Variants in NELL1 observed in about 807,000 individuals in gnomAD.
NELL1 encodes the protein protein kinase C-binding protein NELL1.
In NELL1, 76 loss-of-function variants were observed where a neutral mutation model predicts 107.4. The ratio of observed to expected loss-of-function variants is 0.71; its 90% CI spans 0.59 to 0.86. NELL1 has a LOEUF of 0.86. Among genes scored for constraint, NELL1 ranks in the 40% least tolerant of loss-of-function variants. The probability of loss-of-function intolerance (pLI) is 0.00; values close to 1 mark genes in which losing one functional copy is unlikely to be tolerated. For synonymous variants in NELL1, 353 were observed against 341.2 expected (o/e 1.03, Z -0.38); for missense variants, 1,024 against 1,005.5 (o/e 1.02, Z -0.25).
chr11:21,497,921 C>A (rs1855025631), intron 15 of NELL1, among the ~76,000 whole-genome samples: 1 of 151,856 alleles, frequency 6.6e-6, no homozygotes, highest in Non-Finnish European at 1.5e-5. Context: ...TACCCTGTGT[C>A]TTTTTTCCTA....
chr11:21,042,474 G>A (rs1034063391), intron 12 of NELL1, among the ~76,000 whole-genome samples: 1 of 152,176 alleles, frequency 6.6e-6, no homozygotes, highest in Non-Finnish European at 1.5e-5. Flanking sequence ...GTATTACGGA[G>A]CACAGTATTG....
At chr11:20,717,489 T>C (rs1855279951) in intron 2 of NELL1, among the ~76,000 whole-genome samples, 1 of 152,096 alleles carries the variant, frequency 6.6e-6, no homozygotes, top group Non-Finnish European at 1.5e-5. Context: ...AAAGTTTCTG[T>C]TCCTTATAAA....
intron 6 of NELL1, 109 bp downstream of exon 6, chr11:20,918,363 G>A (rs908760807): frequency 1.5e-6 from 1 of 679,366 alleles, no homozygotes; most frequent in East Asian, 2.6e-5. Context: ...GACTTCTGAG[G>A]TGCTGGAGAT....
intron 13 of NELL1, among the ~76,000 whole-genome samples, chr11:21,166,599 C>T (rs979693469): frequency 1.3e-5 from 2 of 151,476 alleles, no homozygotes; most frequent in Non-Finnish European, 2.9e-5. Flanking sequence ...AATGTACCCA[C>T]AAAAATAAAA....
intron 5 of NELL1, among the ~76,000 whole-genome samples, chr11:20,902,680 T>G (rs1288059762): frequency 6.6e-6 from 1 of 152,080 alleles, no homozygotes; most frequent in Non-Finnish European, 1.5e-5. Flanking sequence ...ACAGGACTTT[T>G]TTTTTTGTTT....
intron 15 of NELL1, among the ~76,000 whole-genome samples, chr11:21,441,778 T>C (rs1037783417): frequency 1.5e-4 from 23 of 152,208 alleles, no homozygotes; most frequent in Admixed American, 3.9e-4. Flanking sequence ...ATCTTCACTA[T>C]GGTGTTATAT....
At chr11:20,775,665 G>C (rs1305020619) in intron 2 of NELL1, among the ~76,000 whole-genome samples, 1 of 152,158 alleles carries the variant, frequency 6.6e-6, no homozygotes, top group Non-Finnish European at 1.5e-5. Flanking sequence ...CTAAAGAGGA[G>C]TGGCTACACA....
At chr11:20,752,867 C>T (rs1330817326) in intron 2 of NELL1, among the ~76,000 whole-genome samples, 1 of 151,994 alleles carries the variant, frequency 6.6e-6, no homozygotes, top group Non-Finnish European at 1.5e-5. Flanking sequence ...CAGAAATTAC[C>T]ATAATTTTAA....
At chr11:21,088,308 G>A (rs1854446079) in intron 12 of NELL1, among the ~76,000 whole-genome samples, 1 of 152,092 alleles carries the variant, frequency 6.6e-6, no homozygotes, top group African/African-American at 2.4e-5. Context: ...TGTATTGCTG[G>A]ATCTGTGTTT....
chr11:20,968,728 G>T (rs184066093), intron 12 of NELL1, among the ~76,000 whole-genome samples: 1 of 152,238 alleles, frequency 6.6e-6, no homozygotes, highest in African/African-American at 2.4e-5. Context: ...AGCTTAACAC[G>T]TGGCTCCCCT....
At chr11:21,089,641 G>C (rs1702315374) in intron 12 of NELL1, among the ~76,000 whole-genome samples, 1 of 152,204 alleles carries the variant, frequency 6.6e-6, no homozygotes, top group African/African-American at 2.4e-5. Context: ...GTTTCTGCAA[G>C]CTGCAAAGAT....
chr11:21,164,120 C>T (rs776502491), intron 13 of NELL1, among the ~76,000 whole-genome samples: 3 of 152,134 alleles, frequency 2.0e-5, no homozygotes, highest in Non-Finnish European at 2.9e-5. Context: ...GTCTAGCCTC[C>T]AGAACTGTGG....
chr11:21,103,501 A>G (rs1697953406), intron 12 of NELL1, among the ~76,000 whole-genome samples: 1 of 152,166 alleles, frequency 6.6e-6, no homozygotes, highest in Non-Finnish European at 1.5e-5. Flanking sequence ...AAATGTTAAT[A>G]ATACCTACCT....
chr11:21,215,400 A>G (rs948052294), intron 13 of NELL1, among the ~76,000 whole-genome samples: 1 of 152,200 alleles, frequency 6.6e-6, no homozygotes, highest in Non-Finnish European at 1.5e-5. Flanking sequence ...GACTGAACTA[A>G]TCCAGTAAAT....
chr11:21,461,537 C>T (rs1049505827), intron 15 of NELL1, among the ~76,000 whole-genome samples: 3 of 152,022 alleles, frequency 2.0e-5, no homozygotes, highest in Admixed American at 1.3e-4. Flanking sequence ...CATTGTTGGT[C>T]GGTCAGAATT....
intron 11 of NELL1, among the ~76,000 whole-genome samples, chr11:20,959,235 C>T (rs769582097): frequency 2.6e-5 from 4 of 152,100 alleles, no homozygotes; most frequent in African/African-American, 4.8e-5. Flanking sequence ...TAAACTAGCA[C>T]GACCACCATG....
intron 11 of NELL1, among the ~76,000 whole-genome samples, chr11:20,955,019 A>G (rs530932874): frequency 6.6e-6 from 1 of 152,318 alleles, no homozygotes; most frequent in Non-Finnish European, 1.5e-5. Flanking sequence ...CGTTGAGTCA[A>G]GCTTCCTAAT....
rs60770584 is a variant in NELL1 at position 21,464,402 on chromosome 11, C to CAAA, written c.1646-69955_1646-69953dup. ...AACTATTCTATGAATATGTCCGTGG[C>CAAA]AAAAAAAAAAAAAAAAAAATTCAGA... On this transcript the variant is annotated intron_variant, in intron 15 of 19. Coordinates refer to ENST00000357134, the MANE Select transcript of NELL1 (RefSeq NM_006157.5). Among the ~76,000 whole-genome samples the CAAA allele has an allele frequency of 5.7e-3, 777 of 136,044 alleles. 9 individuals carry two copies. The highest frequency in any genetic ancestry group is 0.02 in the African/African-American group (721 of 36,232). The allele number at this position is 136,044 out of a possible 152,430, so 89.3% of individuals were successfully genotyped here.
At chr11:21,276,404 A>C (rs1213857009) in intron 14 of NELL1, among the ~76,000 whole-genome samples, 1 of 152,246 alleles carries the variant, frequency 6.6e-6, no homozygotes, top group African/African-American at 2.4e-5. Context: ...AAGAGGATAC[A>C]GAGAAATGGA....
Sources: allele counts gnomAD v4.1 joint callset (sites outside exome capture counted in the v4.1 genomes callset), GRCh38; gene constraint gnomAD v4.1.1; transcripts MANE v1.5; gene names NCBI Gene and HGNC (gene_info 2026-07-23, HGNC 2026-07-21).